Variants in DENND1A observed in about 807,000 individuals in gnomAD.
DENND1A encodes the protein DENN domain-containing protein 1A.
DENND1A carries 51 observed loss-of-function variants against 113.7 expected under a neutral mutation model. That is an observed-to-expected ratio of 0.45 (90% CI 0.36 to 0.57). DENND1A has a LOEUF of 0.57. DENND1A is among the 20% of genes least tolerant of loss of function. DENND1A has a pLI of 0.00. For missense variants in DENND1A, 1,258 were observed against 1,395.9 expected (o/e 0.90, Z 1.57); for synonymous variants, 565 against 570.8 (o/e 0.99, Z 0.14).
intron 5 of DENND1A, among the ~76,000 whole-genome samples, chr9:123,708,430 A>T (rs1038663967): frequency 6.6e-6 from 1 of 152,180 alleles, no homozygotes; most frequent in African/African-American, 2.4e-5. Flanking sequence ...ACTATTTACA[A>T]GAAAAATATT....
chr9:123,385,719 T>A (rs35052100), intron 22 of DENND1A, among the ~76,000 whole-genome samples: 1 of 152,156 alleles, frequency 6.6e-6, no homozygotes, highest in Admixed American at 6.5e-5. Flanking sequence ...CCCCACCTTA[T>A]GGATGAGGAA....
At chr9:123,597,013 G>C (rs938952380) in intron 11 of DENND1A, among the ~76,000 whole-genome samples, 1 of 152,212 alleles carries the variant, frequency 6.6e-6, no homozygotes, top group African/African-American at 2.4e-5. Flanking sequence ...TTGAATTTAA[G>C]AGTTTCACTG....
At position 123,733,021 on chromosome 9, in the gene DENND1A, G is replaced by T. The variant is rs1364389628; in HGVS notation, c.302+24682C>A. The stretch of plus-strand genomic sequence containing the variant: ...TTGAGATGGGAGTTTTGCTCTTGTT[G>T]CCCAGGCTGGAGTGCAATGGCGCGA... On this transcript the variant is annotated intron_variant, in intron 5 of 23. Transcript: ENST00000394215. Among the ~76,000 whole-genome samples, 4 of 152,282 alleles carry T rather than the reference G, an allele frequency of 2.6e-5. No individual in the cohort carries two copies. The East Asian group carries it at 7.7e-4, about 29-fold the overall frequency.
intron 9 of DENND1A, among the ~76,000 whole-genome samples, chr9:123,639,038 G>GT (rs1368333255): frequency 7.4e-4 from 8 of 10,856 alleles, no homozygotes; most frequent in Non-Finnish European, 1.2e-3. Flanking sequence ...TGCATGAGTA[G>GT]TAAAAAAAAA....
At chr9:123,779,837 T>C (rs770287351) in intron 3 of DENND1A, among the ~76,000 whole-genome samples, 18 of 151,330 alleles carry the variant, frequency 1.2e-4, no homozygotes, top group Non-Finnish European at 1.9e-4. Flanking sequence ...GGCCAGATCA[T>C]GGATTAGATC....
chr9:123,537,470 C>T (rs1025476724), intron 13 of DENND1A, among the ~76,000 whole-genome samples: 6 of 151,320 alleles, frequency 4.0e-5, no homozygotes, highest in African/African-American at 7.3e-5. Flanking sequence ...ATTGAATATA[C>T]GGCTAACTGG....
At chr9:123,466,426 A>G (rs1445780171) in intron 13 of DENND1A, among the ~76,000 whole-genome samples, 1 of 152,060 alleles carries the variant, frequency 6.6e-6, no homozygotes, top group East Asian at 1.9e-4. Context: ...CAGCCTCCTG[A>G]GTAGCTGGGA....
At chr9:123,628,188 G>T (rs774280407) in intron 10 of DENND1A, among the ~76,000 whole-genome samples, 71 of 152,104 alleles carry the variant, frequency 4.7e-4, no homozygotes, top group Non-Finnish European at 7.2e-4. Flanking sequence ...TGTGAGCTCA[G>T]TGGGAATAAG....
At chr9:123,646,115 C>T (rs568408223) in intron 9 of DENND1A, among the ~76,000 whole-genome samples, 5 of 152,270 alleles carry the variant, frequency 3.3e-5, no homozygotes, top group Admixed American at 2.0e-4. Context: ...TTTGATTTCC[C>T]ATTATAGAAT....
chr9:123,558,493 G>A (rs1053783633), intron 12 of DENND1A, among the ~76,000 whole-genome samples: 2 of 152,166 alleles, frequency 1.3e-5, no homozygotes, highest in African/African-American at 4.8e-5. Context: ...ATAAATGTAA[G>A]CCACCAGGTC....
intron 2 of DENND1A, among the ~76,000 whole-genome samples, chr9:123,859,132 TACTAAC>T (rs1326490358): frequency 6.6e-6 from 1 of 152,194 alleles, no homozygotes; most frequent in African/African-American, 2.4e-5. Context: ...TGTTAGCACT[TACTAAC>T]AGTATAAACC....
At chr9:123,485,048 T>C (rs1376953049) in intron 13 of DENND1A, among the ~76,000 whole-genome samples, 1 of 152,228 alleles carries the variant, frequency 6.6e-6, no homozygotes, top group Non-Finnish European at 1.5e-5. Flanking sequence ...GTGTAGTTTC[T>C]AGCCTGTCAC....
intron 5 of DENND1A, among the ~76,000 whole-genome samples, chr9:123,756,939 G>T (rs939590152): frequency 6.6e-5 from 10 of 152,210 alleles, no homozygotes; most frequent in Non-Finnish European, 1.3e-4. Context: ...CACATGAGCA[G>T]AGAGAGACAG....
At chr9:123,733,278 G>A (rs1247934078) in intron 5 of DENND1A, among the ~76,000 whole-genome samples, 2 of 151,776 alleles carry the variant, frequency 1.3e-5, no homozygotes, top group East Asian at 3.9e-4. Context: ...ACCGCACCCG[G>A]CCAGTTTGTT....
chr9:123,469,567 C>T lies in DENND1A; in HGVS notation c.994-11670G>A, dbSNP rs777145072. ...CAGGAAATTCTGATTAGTGCAGGAA[C>T]GGCAGATGAGCTGGGAGGCCTGTGG... On this transcript the variant is annotated intron_variant, in intron 13 of 23. Transcript: ENST00000394215. Among the ~76,000 whole-genome samples, 7 of 152,264 alleles carry T rather than the reference C, an allele frequency of 4.6e-5. No homozygotes were observed. In the South Asian group the frequency reaches 6.2e-4, roughly 14 times the overall value.
rs200889793 is a variant in DENND1A, at chr9:123,483,911, G to GT, written c.994-26015dup. ...TGTTCTTTGTTTGAGACACAGCTTA[G>GT]TTTTTTTTGTGTTTTTTTAAAAATG... is the stretch of plus-strand genomic sequence containing the variant. On this transcript the variant is annotated intron_variant, in intron 13 of 23. Coordinates refer to ENST00000394215, the MANE Select transcript of DENND1A (RefSeq NM_001352964.2). Among the ~76,000 whole-genome samples the GT allele has an allele frequency of 1.9e-3, 294 of 152,150 alleles. 2 individuals are homozygous for GT. The highest frequency in any genetic ancestry group is 6.8e-3 in the African/African-American group (284 of 41,492).
At chr9:123,666,500 T>C (rs2063498654) in intron 8 of DENND1A, among the ~76,000 whole-genome samples, 1 of 152,202 alleles carries the variant, frequency 6.6e-6, no homozygotes. Context: ...AGGTAAAAAG[T>C]AGAAGTGTAA....
At chr9:123,565,774 A>G (rs1022312519) in intron 12 of DENND1A, among the ~76,000 whole-genome samples, 1 of 152,210 alleles carries the variant, frequency 6.6e-6, no homozygotes, top group Non-Finnish European at 1.5e-5. Flanking sequence ...TTACATAAGC[A>G]TATCTACCTA....
chr9:123,400,911 C>G (rs2043410608), intron 21 of DENND1A: 1 of 152,204 alleles, frequency 6.6e-6, no homozygotes, highest in African/African-American at 2.4e-5. Context: ...GAATGAATCT[C>G]TCCTCTCCAC....
Sources: gnomAD v4.1 joint callset for allele counts (sites outside exome capture counted in the v4.1 genomes callset) on GRCh38, gnomAD v4.1.1 for gene constraint, MANE v1.5 for transcripts, NCBI Gene and HGNC (gene_info 2026-07-23, HGNC 2026-07-21) for gene names.